ANKRD50: variants seen among roughly 807,000 people sequenced by gnomAD.
ANKRD50 encodes the protein ankyrin repeat domain-containing protein 50.
In ANKRD50, 40 loss-of-function variants were observed where a neutral mutation model predicts 112.0. The ratio of observed to expected loss-of-function variants is 0.36; its 90% CI spans 0.28 to 0.46. The LOEUF (loss-of-function observed/expected upper bound fraction) is 0.46, where lower values mean the gene tolerates loss of function less well. ANKRD50 is among the 20% of genes least tolerant of loss of function. The probability of loss-of-function intolerance (pLI) is 1.00; values close to 1 mark genes in which losing one functional copy is unlikely to be tolerated. For synonymous variants in ANKRD50, 613 were observed against 619.1 expected, an observed-to-expected ratio of 0.99 and a Z score of 0.15; for missense variants, 1,487 against 1,701.7, an observed-to-expected ratio of 0.87 and a Z score of 2.22.
Position 124,671,312 on chromosome 4 carries a change from T to C in ANKRD50, c.1965A>G (p.Gly655=). 6.2e-7 allele frequency: 1 copy of C among 1,613,826 alleles called. No homozygotes were observed. The highest frequency in any genetic ancestry group is 8.5e-7 in the Non-Finnish European group (1 of 1,179,840). Residue 655 remains glycine (G), a synonymous_variant, in exon 4 of 5, where the codon GGA becomes GGG. Transcript: ENST00000504087. ...GCAAATTCAGTACAATATCCTCGTG[T>C]CCTCCCCATGCTGCTGCTCTCAAAG... ...RTALRAAAWG[G]HEDIVLNLLQ...
At chr4:124,675,591 C>T (rs987401901) in intron 3 of ANKRD50, among the ~76,000 whole-genome samples, 6 of 151,648 alleles carry the variant, frequency 4.0e-5, no homozygotes, top group Admixed American at 6.6e-5. Flanking sequence ...TTTAACACAA[C>T]GTGTTAATAA....
At chr4:124,711,874 A>G (rs1206134634) in intron 1 of ANKRD50, among the ~76,000 whole-genome samples, 1 of 152,194 alleles carries the variant, frequency 6.6e-6, no homozygotes, top group Non-Finnish European at 1.5e-5. Context: ...GGTCAGGGAT[A>G]AAATCTACCA....
chr4:124,677,035 C>T (rs1730789416), intron 3 of ANKRD50, among the ~76,000 whole-genome samples: 1 of 151,612 alleles, frequency 6.6e-6, no homozygotes, highest in Admixed American at 6.6e-5. Context: ...AAAGAAACCA[C>T]CCAACACTTT....
chr4:124,704,779 T>A (rs2110528144), intron 2 of ANKRD50, among the ~76,000 whole-genome samples: 1 of 152,078 alleles, frequency 6.6e-6, no homozygotes, highest in East Asian at 1.9e-4. Flanking sequence ...ATAGGGAAGA[T>A]AACAAAAGAT....
At chr4:124,690,735 T>C (rs1353432804) in intron 2 of ANKRD50, among the ~76,000 whole-genome samples, 1 of 152,184 alleles carries the variant, frequency 6.6e-6, no homozygotes, top group Admixed American at 6.6e-5. Flanking sequence ...CAATTTTTGA[T>C]AAAAATTATA....
At chr4:124,689,788 T>C (rs1333502705) in intron 2 of ANKRD50, among the ~76,000 whole-genome samples, 1 of 152,166 alleles carries the variant, frequency 6.6e-6, no homozygotes, top group Non-Finnish European at 1.5e-5. Context: ...GCCCCAAAAT[T>C]GTGTGAGCCA....
Position 124,710,605 on chromosome 4 carries a change from GAAGA to G in ANKRD50, c.-98_-95del. 10 of 1,390,850 alleles carry G rather than the reference GAAGA, an allele frequency of 7.2e-6. No individual in the cohort carries two copies. Among genetic ancestry groups the G allele is most frequent in the Non-Finnish European group, 8.7e-6 (9 of 1,029,398 alleles). The allele number at this position is 1,390,850 out of a possible 1,614,324, so 86.2% of individuals were successfully genotyped here. ...ATAACTTGTATATTAAGTTGACTCT[GAAGA>G]CAGAGTAACTAGTTACAGTAAAATT... On this transcript the variant is annotated 5_prime_UTR_variant, in exon 2 of 5. Coordinates refer to ENST00000504087, the MANE Select transcript of ANKRD50 (RefSeq NM_020337.3).
intron 2 of ANKRD50, among the ~76,000 whole-genome samples, chr4:124,707,945 A>G (rs548990260): frequency 1.5e-4 from 23 of 152,312 alleles, no homozygotes; most frequent in Middle Eastern, 6.8e-3. Context: ...CAGTAATCAG[A>G]CATGATTTTT....
In ANKRD50 at chr4:124,712,636, G is replaced by A. The variant is rs1285536583; in HGVS notation, c.-942C>T. 2 of 153,870 alleles carry A rather than the reference G, an allele frequency of 1.3e-5. No homozygotes were observed. Among genetic ancestry groups the A allele is most frequent in the South Asian group, 1.8e-4 (1 of 5,672 alleles). The allele number at this position is 153,870 out of a possible 1,614,324, so 9.5% of individuals were successfully genotyped here. ...GCTCCGGATCCTCCTCTTGGCCCCC[G>A]GCGGCTGCCAGTTCCAGCTTTCCCA... On this transcript the variant is annotated 5_prime_UTR_variant, in exon 1 of 5. Transcript: ENST00000504087.
intron 2 of ANKRD50, among the ~76,000 whole-genome samples, chr4:124,680,570 G>C (rs1724862695): frequency 6.6e-6 from 1 of 152,126 alleles, no homozygotes; most frequent in South Asian, 2.1e-4. Context: ...CTACTCTATT[G>C]TATCTTAAAC....
chr4:124,668,939 G>A (rs532373588), intron 4 of ANKRD50, 45 bp downstream of exon 4: 2 of 1,496,202 alleles, frequency 1.3e-6, no homozygotes, highest in South Asian at 1.2e-5. Flanking sequence ...CAAGTAGAGG[G>A]AACTCTACTT....
chr4:124,695,755 C>CT (rs1560829002), intron 2 of ANKRD50, among the ~76,000 whole-genome samples: 2 of 152,256 alleles, frequency 1.3e-5, no homozygotes, highest in East Asian at 3.9e-4. Context: ...TGAAAAGACT[C>CT]TTCTGAGTCT....
Position 124,670,560 on chromosome 4 carries a change from A to C in ANKRD50, c.2717T>G (p.Ile906Ser). The C allele has an allele frequency of 6.2e-7, 1 of 1,613,234 alleles. No individual in the cohort carries two copies. Among genetic ancestry groups the C allele is most frequent in the African/African-American group, 1.3e-5 (1 of 74,954 alleles). Residue 906 changes from isoleucine (I) to serine (S), a missense_variant, in exon 4 of 5, where the codon ATT (isoleucine) becomes AGT (serine). By Grantham distance (142) the Ile-to-Ser change is moderately radical. This residue lies in a region of ANKRD50 where 1,046 missense variants were observed against 1,269.5 expected (regional missense o/e 0.82). Coordinates refer to ENST00000504087, the MANE Select transcript of ANKRD50 (RefSeq NM_020337.3). ...VQILLENKSN[I>S]DQRGYDGRNA... ...TCTTCCATCATAACCTCTTTGATCA[A>C]TGTTGGATTTGTTTTCCAGTAATAT... is the stretch of plus-strand genomic sequence containing the variant.
chr4:124,693,315 A>C (rs556088941), intron 2 of ANKRD50, among the ~76,000 whole-genome samples: 3 of 152,318 alleles, frequency 2.0e-5, no homozygotes, highest in Admixed American at 1.3e-4. Flanking sequence ...GGTATTAAAC[A>C]GTCCTGTTTG....
intron 2 of ANKRD50, among the ~76,000 whole-genome samples, chr4:124,695,948 A>C (rs1725242496): frequency 6.6e-6 from 1 of 152,130 alleles, no homozygotes; most frequent in South Asian, 2.1e-4. Context: ...AAAAGACATC[A>C]CCTGGAAATC....
rs2110531821 is a variant in ANKRD50 at position 124,710,626 on chromosome 4, A to C, written c.-115T>G. ...CTCTGAAGACAGAGTAACTAGTTAC[A>C]GTAAAATTCAACAGCCACAGAGTTC... is the stretch of plus-strand genomic sequence containing the variant. On this transcript the variant is annotated 5_prime_UTR_variant, in exon 2 of 5. Transcript: ENST00000504087. The C allele has an allele frequency of 1.6e-6, 2 of 1,274,518 alleles. No individual in the cohort carries two copies. The highest frequency in any genetic ancestry group is 2.2e-6 in the Non-Finnish European group (2 of 927,670). 79.0% of individuals were successfully genotyped at this position (1,274,518 alleles called of 1,614,324 possible). A position where few individuals can be genotyped will look rare whatever the true frequency, so the allele number is the denominator to read the frequency against.
intron 2 of ANKRD50, among the ~76,000 whole-genome samples, chr4:124,694,988 C>CA (rs1032769814): frequency 5.3e-5 from 8 of 151,566 alleles, no homozygotes; most frequent in African/African-American, 1.7e-4. Context: ...ATAAAACTGC[C>CA]AAAAAATTAA....
chr4:124,678,303 G>GA (rs886882614), intron 3 of ANKRD50, among the ~76,000 whole-genome samples: 7 of 149,676 alleles, frequency 4.7e-5, no homozygotes, highest in South Asian at 2.1e-4. Context: ...GTAAGAGAAA[G>GA]AAAAAAAAAG....
chr4:124,669,161 G>A lies in ANKRD50; in HGVS notation c.4116C>T (p.Asn1372=), dbSNP rs1214841867. 6.2e-7 allele frequency: 1 copy of A among 1,613,560 alleles called. No homozygotes were observed. The highest frequency in any genetic ancestry group is 1.7e-5 in the Admixed American group (1 of 59,948). Residue 1372 remains asparagine (N), a synonymous_variant, in exon 4 of 5, where the codon AAC becomes AAT. Transcript: ENST00000504087. The stretch of plus-strand genomic sequence containing the variant: ...CTGAAACCCTACCAAGAAAAACCTG[G>A]TTGCTCTGAAGATGATAATTTGGAT... ...MTNPNYHLQS[N]QVFLGRVSVP... is the part of the protein sequence containing the mutation.
Sources: allele counts gnomAD v4.1 joint callset (sites outside exome capture counted in the v4.1 genomes callset), GRCh38; gene constraint gnomAD v4.1.1; regional missense constraint gnomAD v4.1.1; transcripts MANE v1.5; gene names NCBI Gene and HGNC (gene_info 2026-07-23, HGNC 2026-07-21).